The following SLC2A9 variants were observed in gnomAD, a reference collection of about 807,000 sequenced individuals.
The protein encoded by SLC2A9 is solute carrier family 2, facilitated glucose transporter member 9.
SLC2A9 carries 39 observed loss-of-function variants against 50.6 expected under a neutral mutation model. The ratio of observed to expected loss-of-function variants is 0.77; its 90% CI spans 0.60 to 1.01. SLC2A9 has a LOEUF of 1.01. SLC2A9 is among the 50% of genes least tolerant of loss of function. The probability of loss-of-function intolerance (pLI) is 0.00; values close to 1 mark genes in which losing one functional copy is unlikely to be tolerated. For synonymous variants in SLC2A9, 324 were observed against 276.9 expected, an observed-to-expected ratio of 1.17 and a Z score of -1.69; for missense variants, 686 against 677.6, an observed-to-expected ratio of 1.01 and a Z score of -0.14.
chr4:9,858,242 G>C (rs2109366579), intron 10 of SLC2A9, among the ~76,000 whole-genome samples: 1 of 152,278 alleles, frequency 6.6e-6, no homozygotes, highest in African/African-American at 2.4e-5. Context: ...TAGACCTGGG[G>C]GCATGGAGTG....
At chr4:9,988,409 T>C (rs1757113978) in intron 3 of SLC2A9, among the ~76,000 whole-genome samples, 1 of 152,204 alleles carries the variant, frequency 6.6e-6, no homozygotes, top group Admixed American at 6.5e-5. Context: ...AAGTCTGACT[T>C]GAAACATGTG....
chr4:10,013,310 C>G (rs978768173), intron 2 of SLC2A9, among the ~76,000 whole-genome samples: 2 of 152,228 alleles, frequency 1.3e-5, no homozygotes, highest in Admixed American at 1.3e-4. Context: ...ATCCACCAAG[C>G]TGGCCAAGGA....
At chr4:9,908,368 C>G in intron 7 of SLC2A9, 23 bp from the exon 8 acceptor site, 1 of 1,500,776 alleles carries the variant, frequency 6.7e-7, no homozygotes, top group Non-Finnish European at 9.3e-7. Context: ...AAAGAATGAG[C>G]AGAGAGAATG....
rs560690078 is a variant in SLC2A9 at position 9,788,096 on chromosome 4, A to T, written n.386-8031T>A. ...ATAGTGTTTTTAAAAAAAATTCCAT[A>T]ATCTTTCTAAATGTATTGTTGGTTT... On this transcript the variant is annotated intron_variant and non_coding_transcript_variant, in intron 3 of 3. Transcript: ENST00000503803. Among the ~76,000 whole-genome samples, 3 of 152,282 alleles carry T rather than the reference A, an allele frequency of 2.0e-5. No individual in the cohort carries two copies. In the South Asian group the frequency reaches 6.2e-4, roughly 32 times the overall value.
At chr4:9,856,252 T>C (rs1730696399) in intron 10 of SLC2A9, among the ~76,000 whole-genome samples, 1 of 152,164 alleles carries the variant, frequency 6.6e-6, no homozygotes, top group Admixed American at 6.5e-5. Context: ...TGTAAGGAAC[T>C]TAAGCAAATC....
chr4:9,872,023 G>C (rs985309741), intron 10 of SLC2A9, among the ~76,000 whole-genome samples: 6 of 152,146 alleles, frequency 3.9e-5, no homozygotes, highest in African/African-American at 1.4e-4. Flanking sequence ...GCTGTCCCTA[G>C]GCCTCCTCAG....
At chr4:9,807,178 G>C (rs1195515923) in intron 3 of SLC2A9, among the ~76,000 whole-genome samples, 4 of 152,148 alleles carry the variant, frequency 2.6e-5, no homozygotes. Flanking sequence ...ATCAACTTCA[G>C]GTGCACCCCT....
chr4:9,926,690 C>T (rs116710881), intron 6 of SLC2A9, among the ~76,000 whole-genome samples: 2,210 of 152,036 alleles, frequency 0.015, 34 homozygotes, highest in Non-Finnish European at 0.022. Context: ...TGCTGAAGTC[C>T]TAACCCCTGG....
In SLC2A9 at chr4:9,826,833, TTTG is replaced by T. The variant is rs1471082622; in HGVS notation, c.1420-236_1420-234del. On this transcript the variant is annotated intron_variant, in intron 11 of 11. Coordinates refer to ENST00000264784, the MANE Select transcript of SLC2A9 (RefSeq NM_020041.3). The stretch of plus-strand genomic sequence containing the variant: ...GGGAAAGATGAGAAAATGGCACTTT[TTTG>T]TTGTTGTTGTTGCAAATTTGGCATT... Among the ~76,000 whole-genome samples, 4 of 152,212 alleles carry T rather than the reference TTTG, an allele frequency of 2.6e-5. No individual in the cohort carries two copies. In the East Asian group the frequency reaches 7.7e-4, roughly 29 times the overall value.
chr4:9,853,663 T>C (rs185514890), intron 10 of SLC2A9, among the ~76,000 whole-genome samples: 41 of 152,312 alleles, frequency 2.7e-4, no homozygotes, highest in Admixed American at 2.5e-3. Flanking sequence ...GACAGACATC[T>C]ACTGAATTCT....
chr4:10,002,734 T>C (rs1484747536), intron 2 of SLC2A9, among the ~76,000 whole-genome samples: 1 of 152,140 alleles, frequency 6.6e-6, no homozygotes, highest in Non-Finnish European at 1.5e-5. Context: ...ACGCCTCTAG[T>C]CCCAGCTACT....
chr4:9,961,464 T>C (rs1752257855), intron 5 of SLC2A9, among the ~76,000 whole-genome samples: 1 of 152,216 alleles, frequency 6.6e-6, no homozygotes, highest in African/African-American at 2.4e-5. Context: ...AAGGATTCTG[T>C]ATTTAATAAA....
chr4:10,002,595 G>A (rs1472597002), intron 2 of SLC2A9, among the ~76,000 whole-genome samples: 1 of 152,226 alleles, frequency 6.6e-6, no homozygotes, highest in East Asian at 1.9e-4. Context: ...GCTCATGCCT[G>A]TAATTCCAAC....
At chr4:9,913,969 C>G (rs1294379175) in intron 7 of SLC2A9, among the ~76,000 whole-genome samples, 2 of 152,196 alleles carry the variant, frequency 1.3e-5, no homozygotes, top group Non-Finnish European at 2.9e-5. Flanking sequence ...AATCCCCAAA[C>G]CTATCCCCTA....
At chr4:9,849,918 T>G (rs10939561) in intron 10 of SLC2A9, among the ~76,000 whole-genome samples, 71,365 of 151,284 alleles carry the variant, frequency 0.47, 19,185 homozygotes, top group African/African-American at 0.74. Flanking sequence ...ATGAGCATGG[T>G]GCTGGGAGGG....
At chr4:9,839,736 AAAT>A (rs1336629318) in intron 10 of SLC2A9, among the ~76,000 whole-genome samples, 12 of 152,176 alleles carry the variant, frequency 7.9e-5, no homozygotes, top group Admixed American at 7.2e-4. Context: ...ACAGAAAACC[AAAT>A]ATTACATTTT....
chr4:9,859,687 G>T (rs1423069349), intron 10 of SLC2A9, among the ~76,000 whole-genome samples: 1 of 152,160 alleles, frequency 6.6e-6, no homozygotes, highest in Non-Finnish European at 1.5e-5. Context: ...GACTTCTCTT[G>T]GAAGTTTCTT....
intron 1 of SLC2A9, among the ~76,000 whole-genome samples, chr4:10,026,916 C>T (rs914385082): frequency 1.3e-5 from 2 of 152,028 alleles, no homozygotes; most frequent in Non-Finnish European, 2.9e-5. Context: ...TGCTAGCAGG[C>T]ACCTGTAATC....
Position 9,987,969 on chromosome 4 carries a change from A to T in SLC2A9, c.411-2176T>A, listed in dbSNP as rs1291293822. On this transcript the variant is annotated intron_variant, in intron 3 of 11. Transcript: ENST00000264784. ...AACTCAGAGAGTCTTCTATGCCACC[A>T]TAAGAACTAGCGTTTCCCCCCTGGG... is the stretch of plus-strand genomic sequence containing the variant. Among the ~76,000 whole-genome samples, 4 of 152,276 alleles carry T rather than the reference A, an allele frequency of 2.6e-5. No individual in the cohort carries two copies. In the East Asian group the frequency reaches 7.7e-4, roughly 29 times the overall value.
Sources: gnomAD v4.1 joint callset for allele counts (sites outside exome capture counted in the v4.1 genomes callset) on GRCh38, gnomAD v4.1.1 for gene constraint, MANE v1.5 for transcripts, NCBI Gene and HGNC (gene_info 2026-07-23, HGNC 2026-07-21) for gene names.